Variants in CTNNA2 observed in about 807,000 individuals in gnomAD.
CTNNA2 encodes the protein catenin alpha 2.
In CTNNA2, 42 loss-of-function variants were observed where a neutral mutation model predicts 101.0. The observed-to-expected ratio is 0.42, with a 90% confidence interval of 0.32 to 0.54. The LOEUF (loss-of-function observed/expected upper bound fraction) is 0.54. Among genes scored for constraint, CTNNA2 ranks in the 20% least tolerant of loss-of-function variants. CTNNA2 has a pLI of 0.14. For missense variants in CTNNA2, 871 were observed against 1,223.1 expected, an observed-to-expected ratio of 0.71 and a Z score of 4.29; for synonymous variants, 450 against 456.4, an observed-to-expected ratio of 0.99 and a Z score of 0.18.
chr2:80,004,812 C>T (rs1422969124), intron 7 of CTNNA2, among the ~76,000 whole-genome samples: 1 of 151,954 alleles, frequency 6.6e-6, no homozygotes, highest in Non-Finnish European at 1.5e-5. Context: ...AAGCAATTCT[C>T]CTGCTTCAGC....
chr2:80,365,368 C>A (rs1252316711), intron 7 of CTNNA2, among the ~76,000 whole-genome samples: 1 of 152,176 alleles, frequency 6.6e-6, no homozygotes, highest in Non-Finnish European at 1.5e-5. Flanking sequence ...AACACAACCG[C>A]TTGCCCTCTC....
chr2:80,641,079 CATT>C (rs1454541391), intron 18 of CTNNA2, among the ~76,000 whole-genome samples: 5 of 152,150 alleles, frequency 3.3e-5, no homozygotes, highest in Non-Finnish European at 4.4e-5. Flanking sequence ...TTATCAAACT[CATT>C]AGTGTTATTG....
chr2:79,814,504 T>G (rs543043102), intron 3 of CTNNA2, among the ~76,000 whole-genome samples: 11 of 152,232 alleles, frequency 7.2e-5, no homozygotes, highest in African/African-American at 2.4e-4. Context: ...ATTCCTGAGT[T>G]ACTTCATTTA....
intron 7 of CTNNA2, among the ~76,000 whole-genome samples, chr2:80,355,564 C>T (rs892804399): frequency 2.2e-4 from 33 of 152,110 alleles, no homozygotes; most frequent in Non-Finnish European, 3.2e-4. Flanking sequence ...CTTATTAAGC[C>T]GCTCTTTATT....
chr2:80,163,305 A>G (rs990701417), intron 7 of CTNNA2, among the ~76,000 whole-genome samples: 8 of 152,134 alleles, frequency 5.3e-5, no homozygotes, highest in Non-Finnish European at 7.4e-5. Context: ...GTCATTTTAT[A>G]TATATATAAA....
intron 7 of CTNNA2, among the ~76,000 whole-genome samples, chr2:80,165,122 A>T (rs1282196918): frequency 6.6e-6 from 1 of 151,666 alleles, no homozygotes; most frequent in Non-Finnish European, 1.5e-5. Context: ...TATTCCTTTG[A>T]CTACTTTTCC....
At chr2:79,392,235 G>C (rs1678182194) in intron 4 of CTNNA2, among the ~76,000 whole-genome samples, 1 of 152,136 alleles carries the variant, frequency 6.6e-6, no homozygotes, top group Non-Finnish European at 1.5e-5. Flanking sequence ...CAGTATGACT[G>C]AGATTTACTA....
intron 3 of CTNNA2, among the ~76,000 whole-genome samples, chr2:79,793,447 A>C (rs1204504983): frequency 6.6e-6 from 1 of 152,148 alleles, no homozygotes; most frequent in Non-Finnish European, 1.5e-5. Flanking sequence ...ATTGGACAGG[A>C]AACACCCATC....
At chr2:79,356,690 A>C (rs1298285201) in intron 3 of CTNNA2, among the ~76,000 whole-genome samples, 2 of 152,206 alleles carry the variant, frequency 1.3e-5, no homozygotes, top group African/African-American at 2.4e-5. Context: ...AACAGCCTCC[A>C]GTCTAGTTGC....
Position 79,869,811 on chromosome 2 carries a change from T to A in CTNNA2, c.466-5T>A, listed in dbSNP as rs766730866. 1 of 1,612,334 alleles carries A rather than the reference T, an allele frequency of 6.2e-7. No homozygotes were observed. The highest frequency in any genetic ancestry group is 1.3e-5 in the African/African-American group (1 of 74,784). Reference sequence around the variant, plus strand: ...TAATAAATATGTTGTTTTTCACCACTGCAGGTGGAAGAGGCCCTGGAAGCT... The same window carrying A: ...TAATAAATATGTTGTTTTTCACCACAGCAGGTGGAAGAGGCCCTGGAAGCT... On this transcript the variant is annotated splice_region_variant and splice_polypyrimidine_tract_variant and intron_variant, in intron 4 of 18. Coordinates refer to ENST00000402739, the MANE Select transcript of CTNNA2 (RefSeq NM_001282597.3).
chr2:80,340,892 A>G (rs192488535), intron 7 of CTNNA2, among the ~76,000 whole-genome samples: 1 of 152,134 alleles, frequency 6.6e-6, no homozygotes, highest in African/African-American at 2.4e-5. Context: ...GACTGTCTAT[A>G]AATTGGGGGT....
At chr2:80,227,131 G>A (rs562517402) in intron 7 of CTNNA2, among the ~76,000 whole-genome samples, 5 of 152,230 alleles carry the variant, frequency 3.3e-5, no homozygotes, top group South Asian at 2.1e-4. Context: ...TCAAACCTCC[G>A]CTTAGGGTTC....
chr2:80,200,300 A>G (rs1707120419), intron 7 of CTNNA2, among the ~76,000 whole-genome samples: 1 of 152,150 alleles, frequency 6.6e-6, no homozygotes, highest in Non-Finnish European at 1.5e-5. Flanking sequence ...GCTTTAGACG[A>G]CTAGCTTAAA....
intron 2 of CTNNA2, among the ~76,000 whole-genome samples, chr2:79,301,117 T>C (rs1422348539): frequency 6.6e-6 from 1 of 152,258 alleles, no homozygotes; most frequent in Non-Finnish European, 1.5e-5. Flanking sequence ...CTGAAATTAC[T>C]TTTTCTTTTC....
intron 7 of CTNNA2, among the ~76,000 whole-genome samples, chr2:79,954,211 G>GGGGAAACCA (rs1689070823): frequency 6.6e-6 from 1 of 152,088 alleles, no homozygotes; most frequent in South Asian, 2.1e-4. Flanking sequence ...GAACAGCATG[G>GGGGAAACCA]GGGAAACCAC....
At position 80,589,491 on chromosome 2, in the gene CTNNA2, G is replaced by A. The variant is rs772672066; in HGVS notation, c.2189+6G>A. On this transcript the variant is annotated splice_donor_region_variant and intron_variant, in intron 15 of 18. Coordinates refer to ENST00000402739, the MANE Select transcript of CTNNA2 (RefSeq NM_001282597.3). ...GAAATGACAGACTTCACAAGGTGAGGCCCAGAGCCAGGGAGCTGAAGATTT... is the reference window on the plus strand; with the variant it reads ...GAAATGACAGACTTCACAAGGTGAGACCCAGAGCCAGGGAGCTGAAGATTT... The A allele has an allele frequency of 1.2e-6, 2 of 1,611,276 alleles. No individual in the cohort carries two copies. The highest frequency in any genetic ancestry group is 2.7e-5 in the African/African-American group (2 of 74,862).
chr2:79,501,927 G>T (rs990465025), intron 4 of CTNNA2, among the ~76,000 whole-genome samples: 1 of 150,514 alleles, frequency 6.6e-6, no homozygotes, highest in Admixed American at 6.6e-5. Context: ...ACTTTCTATT[G>T]CTAGCAGAAA....
At chr2:79,450,587 A>C (rs1473008963) in intron 4 of CTNNA2, among the ~76,000 whole-genome samples, 1 of 152,086 alleles carries the variant, frequency 6.6e-6, no homozygotes, top group African/African-American at 2.4e-5. Context: ...ACATGATGAA[A>C]TTATCTTGAA....
intron 3 of CTNNA2, among the ~76,000 whole-genome samples, chr2:79,839,959 C>T (rs2103835117): frequency 6.6e-6 from 1 of 152,182 alleles, no homozygotes; most frequent in African/African-American, 2.4e-5. Context: ...CCTGTGCTTC[C>T]TTTGGAAAAG....
Sources: allele counts gnomAD v4.1 joint callset (sites outside exome capture counted in the v4.1 genomes callset), GRCh38; gene constraint gnomAD v4.1.1; transcripts MANE v1.5; gene names NCBI Gene and HGNC (gene_info 2026-07-23, HGNC 2026-07-21).